TMC1: variants seen among roughly 807,000 people sequenced by gnomAD.
TMC1 encodes transmembrane channel like 1.
In TMC1, 84 loss-of-function variants were observed where a neutral mutation model predicts 105.8. The ratio of observed to expected loss-of-function variants is 0.79; its 90% confidence interval spans 0.67 to 0.95. The LOEUF (loss-of-function observed/expected upper bound fraction) is 0.95, where lower values mean the gene tolerates loss of function less well. Among genes scored for constraint, TMC1 ranks in the 40% least tolerant of loss-of-function variants. The pLI is 0.00. For synonymous variants in TMC1, 315 were observed against 311.5 expected, an observed-to-expected ratio of 1.01 and a Z score of -0.12; for missense variants, 817 against 914.1, an observed-to-expected ratio of 0.89 and a Z score of 1.37.
At chr9:72,630,530 C>T (rs1002500644) in intron 4 of TMC1, among the ~76,000 whole-genome samples, 1 of 152,124 alleles carries the variant, frequency 6.6e-6, no homozygotes, top group African/African-American at 2.4e-5. Context: ...TTGTAAGAAT[C>T]AGCCTAAGTA....
At chr9:72,596,459 A>G (rs550602477) in intron 2 of TMC1, among the ~76,000 whole-genome samples, 1 of 151,476 alleles carries the variant, frequency 6.6e-6, no homozygotes, top group Non-Finnish European at 1.5e-5. Context: ...CCATGTGCTC[A>G]GGAAAGAGGA....
At chr9:72,741,401 T>G in intron 9 of TMC1, 1 of 446,788 alleles carries the variant, frequency 2.2e-6, no homozygotes, top group Non-Finnish European at 4.2e-6. Flanking sequence ...CACCATGAAG[T>G]CTCAACACAA....
intron 9 of TMC1, among the ~76,000 whole-genome samples, chr9:72,740,667 C>T (rs1827373711): frequency 6.6e-6 from 1 of 152,086 alleles, no homozygotes; most frequent in Non-Finnish European, 1.5e-5. Context: ...AAGCAACTAA[C>T]ATTTATTTAA....
chr9:72,775,861 C>G (rs1318264947), intron 13 of TMC1, among the ~76,000 whole-genome samples: 1 of 152,018 alleles, frequency 6.6e-6, no homozygotes, highest in Non-Finnish European at 1.5e-5. Context: ...AGATAGGAAG[C>G]AAAAGAGAGA....
rs549052379 is a variant in TMC1 at position 72,656,706 on chromosome 9, A to C, written c.16+8042A>C. ...AAATTTATAAAAGTGAACTTCATTT[A>C]CAATTGGATATAATGAATTTTACAT... On this transcript the variant is annotated intron_variant, in intron 5 of 23. Transcript: ENST00000297784. Among the ~76,000 whole-genome samples the C allele has an allele frequency of 1.3e-3, 204 of 152,322 alleles. 1 individual carries two copies. The highest frequency in any genetic ancestry group is 4.7e-3 in the African/African-American group (195 of 41,580).
intron 4 of TMC1, among the ~76,000 whole-genome samples, chr9:72,632,501 G>T (rs1406976133): frequency 6.6e-6 from 1 of 152,144 alleles, no homozygotes; most frequent in Non-Finnish European, 1.5e-5. Flanking sequence ...AGGGTAAGAG[G>T]ACGAGGGGCT....
intron 2 of TMC1, among the ~76,000 whole-genome samples, chr9:72,587,775 T>G (rs1372760584): frequency 6.6e-6 from 1 of 151,918 alleles, no homozygotes. Context: ...GAGAATACAT[T>G]TTTAATTTTT....
At chr9:72,687,275 AT>A (rs1445205105) in intron 5 of TMC1, among the ~76,000 whole-genome samples, 20 of 152,286 alleles carry the variant, frequency 1.3e-4, no homozygotes, top group Admixed American at 3.3e-4. Flanking sequence ...TTTCTTCTTT[AT>A]ATATAACTGA....
intron 13 of TMC1, 69 bp from the exon 14 acceptor site, chr9:72,788,270 T>TA (rs1828202921): frequency 6.4e-7 from 1 of 1,558,016 alleles, no homozygotes; most frequent in Admixed American, 1.7e-5. Flanking sequence ...ACACTCATGA[T>TA]CATGTTTTGT....
At chr9:72,658,267 A>G (rs552979009) in intron 5 of TMC1, among the ~76,000 whole-genome samples, 3 of 152,202 alleles carry the variant, frequency 2.0e-5, no homozygotes, top group East Asian at 1.9e-4. Flanking sequence ...TAAAGTATCA[A>G]TTGAATTGTA....
Position 72,774,339 on chromosome 9 carries a change from C to G in TMC1, c.884+1784C>G, listed in dbSNP as rs181823402. ...TTAATAATAAATATATTTGCTTTAA[C>G]TCAATATATCAAAAGTATTATCATT... is the stretch of plus-strand genomic sequence containing the variant. On this transcript the variant is annotated intron_variant, in intron 13 of 23. Transcript: ENST00000297784. 3.9e-5 allele frequency among the ~76,000 whole-genome samples: 6 copies of G among 152,232 alleles called. No individual in the cohort carries two copies. The South Asian group carries it at 6.2e-4, about 16-fold the overall frequency.
At chr9:72,659,661 A>G (rs1354357669) in intron 5 of TMC1, among the ~76,000 whole-genome samples, 1 of 152,194 alleles carries the variant, frequency 6.6e-6, no homozygotes, top group Non-Finnish European at 1.5e-5. Flanking sequence ...AGACAAACAA[A>G]CAAATACCAT....
intron 8 of TMC1, among the ~76,000 whole-genome samples, chr9:72,727,513 T>C (rs1827142874): frequency 6.6e-6 from 1 of 152,012 alleles, no homozygotes; most frequent in Admixed American, 6.6e-5. Context: ...TCCTCATAGC[T>C]ATGTATAGCA....
intron 3 of TMC1, among the ~76,000 whole-genome samples, chr9:72,618,317 C>T (rs1251423024): frequency 6.6e-6 from 1 of 152,078 alleles, no homozygotes; most frequent in African/African-American, 2.4e-5. Flanking sequence ...ACTACCATGC[C>T]TGCCTGTCTG....
chr9:72,784,196 A>G (rs907207575), intron 13 of TMC1, among the ~76,000 whole-genome samples: 2 of 152,228 alleles, frequency 1.3e-5, no homozygotes, highest in South Asian at 2.1e-4. Flanking sequence ...TCCAGAATCT[A>G]TAAGGAACTT....
At chr9:72,584,388 C>T (rs1417648190) in intron 2 of TMC1, among the ~76,000 whole-genome samples, 1 of 151,800 alleles carries the variant, frequency 6.6e-6, no homozygotes, top group Non-Finnish European at 1.5e-5. Flanking sequence ...ACATCAACCT[C>T]CCAAGTAGCT....
At chr9:72,634,388 G>T (rs769078583) in intron 4 of TMC1, among the ~76,000 whole-genome samples, 3 of 152,126 alleles carry the variant, frequency 2.0e-5, no homozygotes, top group African/African-American at 4.8e-5. Context: ...ATTATAGAAA[G>T]GTAAGCTAGG....
At chr9:72,522,914 C>T (rs1014643771) in intron 1 of TMC1, among the ~76,000 whole-genome samples, 1 of 152,120 alleles carries the variant, frequency 6.6e-6, no homozygotes, top group Admixed American at 6.6e-5. Flanking sequence ...GTCCTGTGCA[C>T]TGTAGGATGT....
At chr9:72,634,000 G>C (rs1825491380) in intron 4 of TMC1, among the ~76,000 whole-genome samples, 1 of 152,178 alleles carries the variant, frequency 6.6e-6, no homozygotes, top group African/African-American at 2.4e-5. Context: ...TAATCACAAG[G>C]CCAGCCAAGT....
Sources: gnomAD v4.1 joint callset for allele counts (sites outside exome capture counted in the v4.1 genomes callset) on GRCh38, gnomAD v4.1.1 for gene constraint, MANE v1.5 for transcripts, NCBI Gene and HGNC (gene_info 2026-07-23, HGNC 2026-07-21) for gene names.